DNAH14: variants seen among roughly 807,000 people sequenced by gnomAD.
The protein encoded by DNAH14 is dynein axonemal heavy chain 14.
A neutral mutation model predicts 520.9 loss-of-function variants in DNAH14; 478 were observed. The ratio of observed to expected loss-of-function variants is 0.92; its 90% CI spans 0.85 to 0.99. DNAH14 has a LOEUF of 0.99. Among genes scored for constraint, DNAH14 ranks in the 50% least tolerant of loss-of-function variants. The pLI, the probability that DNAH14 is intolerant of heterozygous loss-of-function variation, is 0.00. For synonymous variants in DNAH14, 1,581 were observed against 1,757.2 expected, an observed-to-expected ratio of 0.90 and a Z score of 2.51; for missense variants, 4,831 against 5,234.5, an observed-to-expected ratio of 0.92 and a Z score of 2.38.
intron 57 of DNAH14, among the ~76,000 whole-genome samples, chr1:225,304,001 G>A (rs565637806): frequency 6.6e-6 from 1 of 151,596 alleles, no homozygotes; most frequent in African/African-American, 2.4e-5. Context: ...CAGAGACAGA[G>A]TAGAACCAGA....
intron 15 of DNAH14, among the ~76,000 whole-genome samples, chr1:225,045,216 A>C (rs567395906): frequency 7.9e-5 from 12 of 151,492 alleles, no homozygotes; most frequent in Non-Finnish European, 1.8e-4. Context: ...CCTGGGTCTA[A>C]ACATCTGATT....
chr1:225,099,741 T>G (rs1232001751), intron 22 of DNAH14, among the ~76,000 whole-genome samples: 2 of 152,152 alleles, frequency 1.3e-5, no homozygotes, highest in Non-Finnish European at 2.9e-5. Context: ...AGAGGTCAGC[T>G]GGCAAGAGCC....
intron 52 of DNAH14, among the ~76,000 whole-genome samples, chr1:225,273,374 T>C (rs1257501659): frequency 1.3e-5 from 2 of 152,152 alleles, no homozygotes; most frequent in African/African-American, 4.8e-5. Context: ...GAGCTTGCAG[T>C]GAGCCGATGA....
intron 54 of DNAH14, among the ~76,000 whole-genome samples, chr1:225,282,749 G>A (rs989441072): frequency 1.3e-5 from 2 of 152,350 alleles, no homozygotes; most frequent in South Asian, 2.1e-4. Flanking sequence ...TGCTAAGGGA[G>A]AGTTTGATAG....
chr1:225,360,617 G>A (rs1339004304), intron 74 of DNAH14, 64 bp from the exon 75 acceptor site: 1 of 1,378,610 alleles, frequency 7.3e-7, no homozygotes, highest in Non-Finnish European at 1.0e-6. Context: ...ATGCTGGATT[G>A]TGATTTTTAA....
At chr1:225,095,743 T>C (rs542877164) in intron 21 of DNAH14, among the ~76,000 whole-genome samples, 2 of 152,318 alleles carry the variant, frequency 1.3e-5, no homozygotes, top group East Asian at 3.9e-4. Context: ...GCAAAGTGAA[T>C]ACATGTTGTA....
intron 81 of DNAH14, among the ~76,000 whole-genome samples, chr1:225,387,450 G>A (rs114077436): frequency 0.011 from 1,723 of 152,094 alleles, 19 homozygotes; most frequent in Non-Finnish European, 0.019. Context: ...CAAAGCGAGC[G>A]CTTGGTGTCA....
chr1:225,350,195 G>T (rs539249881), intron 71 of DNAH14, among the ~76,000 whole-genome samples: 18 of 152,110 alleles, frequency 1.2e-4, no homozygotes, highest in Admixed American at 3.9e-4. Flanking sequence ...ATAGGTCAAA[G>T]ACTAAATCAC....
rs182440283 is a variant in DNAH14, at chr1:225,247,655, G to C, written c.6749-4646G>C. 4.5e-3 allele frequency among the ~76,000 whole-genome samples: 682 copies of C among 152,274 alleles called. 4 individuals carry two copies. Among genetic ancestry groups the C allele is most frequent in the African/African-American group, 0.016 (650 of 41,558 alleles). The stretch of plus-strand genomic sequence containing the variant: ...ATTAAACACATTTAAACAATTTATA[G>C]TGAAACTGCAAAATGTCAATAAAAA... On this transcript the variant is annotated intron_variant, in intron 43 of 85. Coordinates refer to ENST00000682510, the MANE Select transcript of DNAH14 (RefSeq NM_001367479.1).
At chr1:225,078,165 G>A (rs2072525323) in intron 17 of DNAH14, among the ~76,000 whole-genome samples, 1 of 152,138 alleles carries the variant, frequency 6.6e-6, no homozygotes, top group Admixed American at 6.5e-5. Flanking sequence ...TATAAGTATG[G>A]TGGAAAATAA....
At chr1:225,167,485 T>G (rs752679276) in intron 35 of DNAH14, among the ~76,000 whole-genome samples, 23 of 152,204 alleles carry the variant, frequency 1.5e-4, no homozygotes, top group Non-Finnish European at 1.5e-4. Flanking sequence ...ATCTTGTAAA[T>G]TTTATTTACT....
chr1:225,002,888 T>C lies in DNAH14; in HGVS notation c.936T>C (p.Asn312=). The C allele has an allele frequency of 1.3e-6, 2 of 1,549,490 alleles. No homozygotes were observed. The change falls in exon 9 of 86, where the codon AAT becomes AAC. Residue 312 remains asparagine (N), a synonymous_variant. Coordinates refer to ENST00000682510, the MANE Select transcript of DNAH14 (RefSeq NM_001367479.1). ...ATGCAATTAATCTCAAAAATTATAA[T>C]GACCATGAAAATAATCTATCTGCCA... The part of the protein sequence containing the change: ...CEDAINLKNY[N]DHENNLSAIC...
intron 1 of DNAH14, among the ~76,000 whole-genome samples, chr1:224,944,687 G>A (rs569849396): frequency 1.2e-4 from 19 of 152,160 alleles, no homozygotes; most frequent in Admixed American, 7.2e-4. Flanking sequence ...GGGCAGGCCC[G>A]GTGGTGACAA....
At position 225,080,391 on chromosome 1, in the gene DNAH14, CTTCTG is replaced by C. The variant is rs779839096; in HGVS notation, c.2782_2786del (p.Leu928MetfsTer25). 6.5e-7 allele frequency: 1 copy of C among 1,535,576 alleles called. No individual in the cohort carries two copies. The highest frequency in any genetic ancestry group is 1.2e-5 in the South Asian group (1 of 80,632). ...TCTTATTTTTTAGATAAGAACTCCTCTTCTGTTATGTGCTGGTACTCAAGTGTCAA... is the reference window on the plus strand; with the variant it reads ...TCTTATTTTTTAGATAAGAACTCCTCTTATGTGCTGGTACTCAAGTGTCAA... On this transcript the variant is annotated frameshift_variant, in exon 19 of 86. Transcript: ENST00000682510. LOFTEE classifies it high-confidence loss of function.
At chr1:225,394,263 T>C (rs1457914196) in intron 84 of DNAH14, among the ~76,000 whole-genome samples, 1 of 152,236 alleles carries the variant, frequency 6.6e-6, no homozygotes, top group African/African-American at 2.4e-5. Context: ...GTCGTATTGA[T>C]TTATAGAAGT....
chr1:225,259,701 C>G (rs2092866150), intron 46 of DNAH14, among the ~76,000 whole-genome samples: 1 of 152,206 alleles, frequency 6.6e-6, no homozygotes, highest in South Asian at 2.1e-4. Context: ...CTTTGACCAA[C>G]ATCTCCCCAT....
chr1:225,257,055 C>A (rs1029228308), intron 44 of DNAH14, among the ~76,000 whole-genome samples: 1 of 152,152 alleles, frequency 6.6e-6, no homozygotes, highest in African/African-American at 2.4e-5. Flanking sequence ...GCACTTGTAA[C>A]AATTTTGGCT....
At chr1:225,108,033 A>C (rs1202773230) in intron 23 of DNAH14, among the ~76,000 whole-genome samples, 1 of 152,144 alleles carries the variant, frequency 6.6e-6, no homozygotes, top group Non-Finnish European at 1.5e-5. Flanking sequence ...GAGTCAGTGG[A>C]CTGGGAGAGC....
At chr1:224,933,998 C>T (rs577036333) in intron 1 of DNAH14, among the ~76,000 whole-genome samples, 26 of 151,888 alleles carry the variant, frequency 1.7e-4, no homozygotes, top group African/African-American at 4.6e-4. Context: ...GCCAAAGTAC[C>T]GTAACAGCCA....
Sources: gnomAD v4.1 joint callset for allele counts (sites outside exome capture counted in the v4.1 genomes callset) on GRCh38, gnomAD v4.1.1 for gene constraint, MANE v1.5 for transcripts, NCBI Gene and HGNC (gene_info 2026-07-23, HGNC 2026-07-21) for gene names.